SPIRE1: variants seen among roughly 807,000 people sequenced by gnomAD.
SPIRE1 encodes the protein spire type actin nucleation factor 1.
SPIRE1 carries 40 observed loss-of-function variants against 94.1 expected under a neutral mutation model. The observed-to-expected ratio is 0.43, with a 90% CI of 0.33 to 0.55. SPIRE1 has a LOEUF of 0.55. SPIRE1 is among the 20% of genes least tolerant of loss of function. SPIRE1 has a pLI of 0.06. For missense variants in SPIRE1, 838 were observed against 975.2 expected (o/e 0.86, Z 1.87); for synonymous variants, 376 against 371.7 (o/e 1.01, Z -0.13).
At chr18:12,578,877 G>A (rs897131207) in intron 2 of SPIRE1, among the ~76,000 whole-genome samples, 1 of 152,126 alleles carries the variant, frequency 6.6e-6, no homozygotes, top group Admixed American at 6.5e-5. Flanking sequence ...AAGAACCACA[G>A]AAGTTTTGAC....
rs2033378262 is a variant in SPIRE1, at chr18:12,494,681, C to CA, written c.1059+1334dup. ...CGTCTCTACTAAAAAAAAAAAAATACAAAAAAAATTAGCCGGGCATGGTGG... is the reference window on the plus strand; with the variant it reads ...CGTCTCTACTAAAAAAAAAAAAATACAAAAAAAAATTAGCCGGGCATGGTGG... On this transcript the variant is annotated intron_variant, in intron 7 of 16. Transcript: ENST00000409402. 2.7e-5 allele frequency among the ~76,000 whole-genome samples: 4 copies of CA among 147,292 alleles called. No individual in the cohort carries two copies. The South Asian group carries it at 6.4e-4, about 24-fold the overall frequency.
intron 8 of SPIRE1, among the ~76,000 whole-genome samples, chr18:12,487,093 T>C (rs2143818070): frequency 6.6e-6 from 1 of 152,334 alleles, no homozygotes; most frequent in East Asian, 1.9e-4. Context: ...TCTCAGGTAA[T>C]CTACATGCCT....
intron 3 of SPIRE1, among the ~76,000 whole-genome samples, chr18:12,543,050 A>C (rs1188421982): frequency 6.6e-6 from 1 of 151,906 alleles, no homozygotes; most frequent in African/African-American, 2.4e-5. Context: ...CTGGTCGTGA[A>C]CTCCTGACCT....
At chr18:12,561,808 T>C (rs557589277) in intron 2 of SPIRE1, among the ~76,000 whole-genome samples, 1 of 152,302 alleles carries the variant, frequency 6.6e-6, no homozygotes, top group South Asian at 2.1e-4. Flanking sequence ...AATATATGAA[T>C]ATTTACAGCT....
intron 2 of SPIRE1, among the ~76,000 whole-genome samples, chr18:12,597,923 G>A (rs2036723717): frequency 6.6e-6 from 1 of 152,186 alleles, no homozygotes; most frequent in Admixed American, 6.5e-5. Flanking sequence ...ATGTAAGACT[G>A]AGGAAAACTG....
intron 2 of SPIRE1, among the ~76,000 whole-genome samples, chr18:12,560,211 G>A (rs1299326891): frequency 2.0e-5 from 3 of 152,146 alleles, no homozygotes; most frequent in South Asian, 2.1e-4. Context: ...GAGTCCATAC[G>A]ATCCAGCAAT....
chr18:12,615,542 C>CAAAAAAAAAAAAAAAAAAAAAAAAAA (rs71174108), intron 2 of SPIRE1, among the ~76,000 whole-genome samples: 4 of 75,800 alleles, frequency 5.3e-5, no homozygotes, highest in African/African-American at 1.4e-4. Context: ...TCTATCTCCA[C>CAAAAAAAAAAAAAAAAAAAAAAAAAA]AAAAAAAAAA....
intron 15 of SPIRE1, 29 bp downstream of exon 15, chr18:12,452,456 C>A (rs201396204): frequency 6.2e-7 from 1 of 1,614,052 alleles, no homozygotes; most frequent in East Asian, 2.2e-5. Flanking sequence ...AAAAGGAACA[C>A]AAGTATAAAT....
At chr18:12,650,625 G>A (rs1423774670) in intron 1 of SPIRE1, among the ~76,000 whole-genome samples, 4 of 150,996 alleles carry the variant, frequency 2.6e-5, no homozygotes, top group South Asian at 4.2e-4. Context: ...CAGGAGAATC[G>A]CTTGAACCCG....
At chr18:12,487,577 A>G (rs1272361394) in intron 8 of SPIRE1, among the ~76,000 whole-genome samples, 1 of 151,704 alleles carries the variant, frequency 6.6e-6, no homozygotes, top group Non-Finnish European at 1.5e-5. Context: ...GTATTTTTAG[A>G]GAGACAGGGT....
intron 1 of SPIRE1, among the ~76,000 whole-genome samples, chr18:12,637,834 T>C (rs576794869): frequency 6.6e-6 from 1 of 152,120 alleles, no homozygotes; most frequent in African/African-American, 2.4e-5. Context: ...AAAACAATGA[T>C]AGAGGAGTGC....
upstream of SPIRE1, among the ~76,000 whole-genome samples, chr18:12,660,345 C>CA (rs1261010274): frequency 6.9e-6 from 1 of 144,868 alleles, no homozygotes; most frequent in African/African-American, 2.6e-5. Context: ...TTAATTGAGA[C>CA]AGAGTCTCAC....
At chr18:12,506,374 G>T in intron 6 of SPIRE1, 103 bp downstream of exon 6, 1 of 980,768 alleles carries the variant, frequency 1.0e-6, no homozygotes, top group Non-Finnish European at 1.6e-6. Context: ...GGTCAAGCTG[G>T]TCTTGAACTC....
chr18:12,505,277 G>C (rs2033790188), intron 6 of SPIRE1, among the ~76,000 whole-genome samples: 1 of 152,166 alleles, frequency 6.6e-6, no homozygotes, highest in African/African-American at 2.4e-5. Context: ...AAGTGCCGTG[G>C]CTCATGCCTA....
intron 1 of SPIRE1, among the ~76,000 whole-genome samples, chr18:12,636,646 T>C (rs940551065): frequency 4.6e-5 from 7 of 152,038 alleles, no homozygotes; most frequent in African/African-American, 1.7e-4. Flanking sequence ...TGAATTAAAT[T>C]AAAAATTATA....
intron 2 of SPIRE1, among the ~76,000 whole-genome samples, chr18:12,611,113 G>A (rs915744795): frequency 6.6e-6 from 1 of 152,070 alleles, no homozygotes; most frequent in Non-Finnish European, 1.5e-5. Context: ...AAACAAATAT[G>A]TTATTGTTTC....
intron 14 of SPIRE1, chr18:12,452,737 G>A (rs1399584449): frequency 1.6e-6 from 1 of 609,508 alleles, no homozygotes; most frequent in African/African-American, 1.9e-5. Context: ...CATGTGTTTG[G>A]AATTTTCTTA....
At chr18:12,561,196 T>C (rs1374042367) in intron 2 of SPIRE1, among the ~76,000 whole-genome samples, 1 of 152,088 alleles carries the variant, frequency 6.6e-6, no homozygotes, top group African/African-American at 2.4e-5. Flanking sequence ...TGAATATAGG[T>C]GGTCTCCTTA....
chr18:12,642,277 T>G (rs781167975), intron 1 of SPIRE1, among the ~76,000 whole-genome samples: 1 of 152,236 alleles, frequency 6.6e-6, no homozygotes, highest in Non-Finnish European at 1.5e-5. Flanking sequence ...AGCCAGGCTC[T>G]AGGACTTTCA....
Sources: gnomAD v4.1 joint callset for allele counts (sites outside exome capture counted in the v4.1 genomes callset) on GRCh38, gnomAD v4.1.1 for gene constraint, MANE v1.5 for transcripts, NCBI Gene and HGNC (gene_info 2026-07-23, HGNC 2026-07-21) for gene names.